The following ACBD3 variants were observed in gnomAD, a reference collection of about 807,000 sequenced individuals.
ACBD3 encodes the protein acyl-CoA binding domain containing 3.
Under a neutral mutation model 66.9 loss-of-function variants are expected in ACBD3, and 30 were observed. That is an observed-to-expected ratio of 0.45 (90% CI 0.34 to 0.61). ACBD3 has a LOEUF of 0.61. Ranked by LOEUF, ACBD3 falls within the 20% of genes least tolerant of loss-of-function variation. The pLI is 0.02. For synonymous variants in ACBD3, 278 were observed against 259.8 expected, an observed-to-expected ratio of 1.07 and a Z score of -0.68; for missense variants, 544 against 664.5, an observed-to-expected ratio of 0.82 and a Z score of 1.99.
At position 226,186,583 on chromosome 1, in the gene ACBD3, G is replaced by T; in HGVS notation, c.93C>A (p.Gly31=). ...PDPEERPGAE[G]APLLPPPLPP... is the part of the protein sequence containing the mutation. ...GCAGCGGTGGCGGCAGCAGCGGGGC[G>T]CCCTCCGCCCCAGGCCGCTCCTCCG... The change falls in exon 1 of 8, where the codon GGC becomes GGA. Residue 31 remains glycine, a synonymous_variant. Transcript: ENST00000366812. 7.3e-7 allele frequency: 1 copy of T among 1,376,488 alleles called. No homozygotes were observed. Among genetic ancestry groups the T allele is most frequent in the South Asian group, 1.7e-5 (1 of 58,490 alleles). The allele number at this position is 1,376,488 out of a possible 1,614,324, so 85.3% of individuals were successfully genotyped here. A position where few individuals can be genotyped will look rare whatever the true frequency, so the allele number is the denominator to read the frequency against.
At chr1:226,175,797 T>C (rs1445837984) in intron 1 of ACBD3, among the ~76,000 whole-genome samples, 3 of 152,218 alleles carry the variant, frequency 2.0e-5, no homozygotes, top group African/African-American at 7.2e-5. Context: ...ATTATAAATG[T>C]TGTAGTCCAA....
At chr1:226,168,886 T>C (rs1032508378) in intron 1 of ACBD3, among the ~76,000 whole-genome samples, 1 of 152,134 alleles carries the variant, frequency 6.6e-6, no homozygotes, top group Non-Finnish European at 1.5e-5. Flanking sequence ...TGAGACGGAG[T>C]CTCGCTCTGT....
chr1:226,159,369 T>A lies in ACBD3; in HGVS notation c.729-11A>T. The A allele has an allele frequency of 6.2e-7, 1 of 1,613,292 alleles. No homozygotes were observed. The highest frequency in any genetic ancestry group is 1.1e-5 in the South Asian group (1 of 91,046). ...GCCATTATCTGCTGCCTAAAAACAT[T>A]AAAAATATATATACTAGTCTGGCTA... On this transcript the variant is annotated splice_polypyrimidine_tract_variant and intron_variant, in intron 4 of 7. Transcript: ENST00000366812.
At chr1:226,155,503 T>C (rs1374849801) in intron 5 of ACBD3, among the ~76,000 whole-genome samples, 1 of 150,630 alleles carries the variant, frequency 6.6e-6, no homozygotes, top group African/African-American at 2.4e-5. Context: ...GCTCTTGAAA[T>C]TGATGGAAGA....
At chr1:226,183,996 C>A (rs1158860210) in intron 1 of ACBD3, among the ~76,000 whole-genome samples, 1 of 151,434 alleles carries the variant, frequency 6.6e-6, no homozygotes, top group Non-Finnish European at 1.5e-5. Flanking sequence ...TCGAGACCAT[C>A]CTGGCTAACA....
intron 3 of ACBD3, among the ~76,000 whole-genome samples, chr1:226,164,167 T>C (rs1412116800): frequency 3.1e-5 from 4 of 130,818 alleles, no homozygotes; most frequent in Admixed American, 1.5e-4. Context: ...TGAAGAAAAA[T>C]TGGTTTTGTA....
In ACBD3 at chr1:226,162,971, A is replaced by ATTT. The variant is rs200178888; in HGVS notation, c.570-1285_570-1283dup. ...GTAACCACATCCGGCTAATTTTTGT[A>ATTT]TTTTTTTTTTGTAGAGATGGGGTTT... is the stretch of plus-strand genomic sequence containing the variant. On this transcript the variant is annotated intron_variant, in intron 3 of 7. Transcript: ENST00000366812. Among the ~76,000 whole-genome samples, 11 of 147,538 alleles carry ATTT rather than the reference A, an allele frequency of 7.5e-5. No homozygotes were observed. In the East Asian group the frequency reaches 2.2e-3, roughly 29 times the overall value.
intron 1 of ACBD3, among the ~76,000 whole-genome samples, chr1:226,176,620 G>A (rs1656040051): frequency 6.6e-6 from 1 of 152,026 alleles, no homozygotes; most frequent in East Asian, 1.9e-4. Flanking sequence ...AACAATAGTT[G>A]TGATCCTGGT....
At chr1:226,180,007 C>A (rs1656136073) in intron 1 of ACBD3, among the ~76,000 whole-genome samples, 1 of 151,820 alleles carries the variant, frequency 6.6e-6, no homozygotes, top group South Asian at 2.1e-4. Flanking sequence ...CCTGTCTCTA[C>A]TAAAAATACA....
Position 226,149,529 on chromosome 1 carries a change from CTTTTTTT to C in ACBD3, c.1376-2715_1376-2709del, listed in dbSNP as rs1170130229. ...GGTGTCAGCCACTGCGCCCAGCCAT[CTTTTTTT>C]TTTTTTTTTTTTTTTTTTTTTTGAG... On this transcript the variant is annotated intron_variant, in intron 7 of 7. Coordinates refer to ENST00000366812, the MANE Select transcript of ACBD3 (RefSeq NM_022735.4). Among the ~76,000 whole-genome samples the C allele has an allele frequency of 5.1e-4, 15 of 29,610 alleles. No homozygotes were observed. In the South Asian group the frequency reaches 5.8e-3, roughly 11 times the overall value. The allele number at this position is 29,610 out of a possible 152,430, so 19.4% of individuals were successfully genotyped here.
At chr1:226,169,976 ATAC>A in intron 1 of ACBD3, among the ~76,000 whole-genome samples, 2 of 148,676 alleles carry the variant, frequency 1.3e-5, no homozygotes, top group Admixed American at 1.4e-4. Flanking sequence ...AGCCTAAATC[ATAC>A]CACTGCACTC....
intron 1 of ACBD3, among the ~76,000 whole-genome samples, chr1:226,176,417 G>A (rs552657268): frequency 3.2e-5 from 4 of 123,606 alleles, no homozygotes; most frequent in South Asian, 2.9e-4. Context: ...GCTACAGAGC[G>A]AGACTCCGTC....
Position 226,152,714 on chromosome 1 carries a change from G to A in ACBD3, c.1091-95C>T, listed in dbSNP as rs901231303. 4.9e-6 allele frequency: 6 copies of A among 1,216,456 alleles called. No homozygotes were observed. The Admixed American group carries it at 8.8e-5, about 18-fold the overall frequency. The allele number at this position is 1,216,456 out of a possible 1,614,324, so 75.4% of individuals were successfully genotyped here. A position where few individuals can be genotyped will look rare whatever the true frequency, so the allele number is the denominator to read the frequency against. ...GCACTACCTGATCAGTTGTACTCAG[G>A]CACCAAGTACAATATGGTCTAGCTT... On this transcript the variant is annotated intron_variant, in intron 6 of 7. Coordinates refer to ENST00000366812, the MANE Select transcript of ACBD3 (RefSeq NM_022735.4).
intron 4 of ACBD3, among the ~76,000 whole-genome samples, chr1:226,160,639 A>C (rs768539857): frequency 6.6e-6 from 1 of 152,186 alleles, no homozygotes; most frequent in East Asian, 1.9e-4. Context: ...TAATGAGAAG[A>C]AATCAATGGA....
intron 5 of ACBD3, among the ~76,000 whole-genome samples, chr1:226,157,036 G>T (rs1345383153): frequency 6.6e-6 from 1 of 151,936 alleles, no homozygotes; most frequent in East Asian, 1.9e-4. Context: ...AGCACAGAAA[G>T]GTATAAAAGC....
chr1:226,184,167 T>G (rs1656239482), intron 1 of ACBD3, among the ~76,000 whole-genome samples: 1 of 152,158 alleles, frequency 6.6e-6, no homozygotes, highest in East Asian at 1.9e-4. Context: ...CACTCCAGCC[T>G]GGGCGACAGA....
intron 1 of ACBD3, among the ~76,000 whole-genome samples, chr1:226,176,695 AATT>A (rs1341325375): frequency 6.6e-6 from 1 of 151,962 alleles, no homozygotes; most frequent in Admixed American, 6.6e-5. Context: ...GTGAATGAGA[AATT>A]ATTATCATAA....
At chr1:226,166,898 G>A (rs1659887020) in intron 1 of ACBD3, among the ~76,000 whole-genome samples, 1 of 152,170 alleles carries the variant, frequency 6.6e-6, no homozygotes, top group Non-Finnish European at 1.5e-5. Flanking sequence ...CCAGGCTTAA[G>A]CAATCCTTCT....
intron 1 of ACBD3, among the ~76,000 whole-genome samples, chr1:226,172,604 T>A (rs1029296450): frequency 2.0e-5 from 3 of 151,936 alleles, no homozygotes; most frequent in Non-Finnish European, 2.9e-5. Context: ...ATCTCCAAAT[T>A]AATAATTTTT....
Sources: gnomAD v4.1 joint callset for allele counts (sites outside exome capture counted in the v4.1 genomes callset) on GRCh38, gnomAD v4.1.1 for gene constraint, MANE v1.5 for transcripts, NCBI Gene and HGNC (gene_info 2026-07-23, HGNC 2026-07-21) for gene names.